TCF7L2: variants seen among roughly 807,000 people sequenced by gnomAD.
The protein encoded by TCF7L2 is transcription factor 7 like 2.
In TCF7L2, 23 loss-of-function variants were observed where a neutral mutation model predicts 77.9. The ratio of observed to expected loss-of-function variants is 0.30; its 90% CI spans 0.21 to 0.42. The LOEUF (loss-of-function observed/expected upper bound fraction) is 0.42. Ranked by LOEUF, TCF7L2 falls within the 10% of genes least tolerant of loss-of-function variation. The pLI is 1.00. For synonymous variants in TCF7L2, 413 were observed against 340.2 expected, an observed-to-expected ratio of 1.21 and a Z score of -2.36; for missense variants, 654 against 793.1, an observed-to-expected ratio of 0.82 and a Z score of 2.11.
intron 3 of TCF7L2, among the ~76,000 whole-genome samples, chr10:112,962,366 C>T (rs1248413470): frequency 9.7e-6 from 1 of 103,144 alleles, no homozygotes; most frequent in Non-Finnish European, 1.8e-5. Flanking sequence ...GTTAGTGTTG[C>T]CTACTCTGCT....
chr10:113,033,487 A>G (rs2050610964), intron 4 of TCF7L2, among the ~76,000 whole-genome samples: 2 of 152,050 alleles, frequency 1.3e-5, no homozygotes, highest in African/African-American at 2.4e-5. Flanking sequence ...GACTCAAGCA[A>G]TCTTCCTGCC....
chr10:113,121,900 G>A lies in TCF7L2; in HGVS notation c.553-19284G>A, dbSNP rs565165184. Among the ~76,000 whole-genome samples, 8 of 152,284 alleles carry A rather than the reference G, an allele frequency of 5.3e-5. No individual in the cohort carries two copies. The South Asian group carries it at 1.7e-3, about 32-fold the overall frequency. On this transcript the variant is annotated intron_variant, in intron 5 of 13. Transcript: ENST00000627217. ...CTGACATTTGCAATGGGGAAAACAC[G>A]TTGCCATATTGATTGAAGAAAATAC...
chr10:113,139,751 C>T (rs1316880986), intron 5 of TCF7L2, among the ~76,000 whole-genome samples: 1 of 151,238 alleles, frequency 6.6e-6, no homozygotes, highest in African/African-American at 2.4e-5. Context: ...AAGACACTTT[C>T]CCCTCAATTA....
rs567290178 is a variant in TCF7L2 at position 113,098,646 on chromosome 10, C to T, written c.553-42538C>T. On this transcript the variant is annotated intron_variant, in intron 5 of 13. Transcript: ENST00000627217. ...GCTTGAACCTGGGAGGCAGTGGTTG[C>T]AGTGAGCTGAGATCGCGCCACTGCA... Among the ~76,000 whole-genome samples the T allele has an allele frequency of 1.1e-3, 162 of 152,206 alleles. 2 individuals carry two copies. The highest frequency in any genetic ancestry group is 1.2e-4 in the Non-Finnish European group (8 of 68,018).
At chr10:113,039,441 C>T (rs1472645872) in intron 4 of TCF7L2, among the ~76,000 whole-genome samples, 1 of 152,038 alleles carries the variant, frequency 6.6e-6, no homozygotes. Context: ...CATTTTTTAC[C>T]AAGAAGTAAG....
chr10:112,986,709 C>T (rs770225191), intron 4 of TCF7L2, among the ~76,000 whole-genome samples: 2 of 152,094 alleles, frequency 1.3e-5, no homozygotes, highest in Non-Finnish European at 2.9e-5. Flanking sequence ...TTCTGTGTAC[C>T]TCCCTTTCTT....
intron 4 of TCF7L2, among the ~76,000 whole-genome samples, chr10:112,994,835 C>T (rs1457291395): frequency 6.6e-6 from 1 of 152,050 alleles, no homozygotes; most frequent in Admixed American, 6.6e-5. Context: ...CACAGTGGCT[C>T]ATGCCTGTAA....
At chr10:113,082,399 T>G (rs1266745403) in intron 5 of TCF7L2, among the ~76,000 whole-genome samples, 1 of 152,140 alleles carries the variant, frequency 6.6e-6, no homozygotes, top group Non-Finnish European at 1.5e-5. Flanking sequence ...TAAAAAAATC[T>G]TATTTCCAAT....
chr10:113,023,747 C>A (rs2048621083), intron 4 of TCF7L2, among the ~76,000 whole-genome samples: 1 of 152,048 alleles, frequency 6.6e-6, no homozygotes, highest in Non-Finnish European at 1.5e-5. Flanking sequence ...CGGCTCACTG[C>A]AAGCTCCACC....
chr10:113,082,473 T>C (rs568395528), intron 5 of TCF7L2, among the ~76,000 whole-genome samples: 6 of 152,336 alleles, frequency 3.9e-5, no homozygotes, highest in African/African-American at 1.4e-4. Context: ...GACAAAACTT[T>C]GTTTTAACCA....
chr10:113,088,667 G>A lies in TCF7L2; in HGVS notation c.552+48541G>A, dbSNP rs1044058823. Reference sequence around the variant, plus strand: ...GAAAAGGTGTTAAGGTATGAGTGAAGACAGATCAGCCAGACATGGTGCCGC... The same window carrying A: ...GAAAAGGTGTTAAGGTATGAGTGAAAACAGATCAGCCAGACATGGTGCCGC... On this transcript the variant is annotated intron_variant, in intron 5 of 13. Transcript: ENST00000627217. Among the ~76,000 whole-genome samples the A allele has an allele frequency of 6.6e-5, 10 of 152,266 alleles. No homozygotes were observed. The South Asian group carries it at 1.5e-3, about 22-fold the overall frequency.
At chr10:112,980,867 C>T (rs1470509853) in intron 4 of TCF7L2, among the ~76,000 whole-genome samples, 2 of 152,092 alleles carry the variant, frequency 1.3e-5, no homozygotes, top group Non-Finnish European at 2.9e-5. Context: ...ACCTCGTGAT[C>T]CGCCCGCCTC....
intron 5 of TCF7L2, among the ~76,000 whole-genome samples, chr10:113,079,819 G>A (rs1025615518): frequency 1.4e-4 from 21 of 152,118 alleles, no homozygotes; most frequent in East Asian, 1.4e-3. Flanking sequence ...CACCATGCCC[G>A]GCTAATTTTT....
At chr10:113,090,675 A>G (rs908628676) in intron 5 of TCF7L2, among the ~76,000 whole-genome samples, 3 of 152,194 alleles carry the variant, frequency 2.0e-5, no homozygotes, top group Non-Finnish European at 4.4e-5. Context: ...CAGTGGCGCA[A>G]TCTCAGCTCA....
At position 113,166,707 on chromosome 10, in the gene TCF7L2, G is replaced by C. The variant is rs1386158714; in HGVS notation, c.*735G>C. On this transcript the variant is annotated 3_prime_UTR_variant, in exon 14 of 14. Coordinates refer to ENST00000627217, the MANE Select transcript of TCF7L2 (RefSeq NM_001146274.2). The stretch of plus-strand genomic sequence containing the variant: ...ATATGTTTTCCTTTTTCTTGAAACT[G>C]TATAAAGTTTTTTTCCCCCTTAGCA... 1 of 229,284 alleles carries C rather than the reference G, an allele frequency of 4.4e-6. No homozygotes were observed. The highest frequency in any genetic ancestry group is 5.7e-5 in the Admixed American group (1 of 17,630). 14.2% of individuals were successfully genotyped at this position (229,284 alleles called of 1,614,324 possible).
chr10:113,110,740 A>C (rs2063023085), intron 5 of TCF7L2, among the ~76,000 whole-genome samples: 1 of 152,202 alleles, frequency 6.6e-6, no homozygotes, highest in South Asian at 2.1e-4. Context: ...TAAGTATGGA[A>C]GTACAAGAAA....
chr10:113,003,542 A>G (rs2044894127), intron 4 of TCF7L2, among the ~76,000 whole-genome samples: 2 of 152,156 alleles, frequency 1.3e-5, no homozygotes. Context: ...AGCCCGCATC[A>G]TGTTATCTTT....
chr10:112,951,459 C>T, intron 2 of TCF7L2, 24 bp from the exon 3 acceptor site: 3 of 1,402,546 alleles, frequency 2.1e-6, no homozygotes, highest in Non-Finnish European at 9.5e-7. Flanking sequence ...CCGCCGCTGT[C>T]CCCTCGCCGC....
intron 4 of TCF7L2, among the ~76,000 whole-genome samples, chr10:112,971,618 C>CTTTTT (rs1254113400): frequency 7.5e-6 from 1 of 133,168 alleles, no homozygotes. Flanking sequence ...ACAGGAGTTA[C>CTTTTT]TTTTTTTTTT....
Sources: allele counts gnomAD v4.1 joint callset (sites outside exome capture counted in the v4.1 genomes callset), GRCh38; gene constraint gnomAD v4.1.1; transcripts MANE v1.5; gene names NCBI Gene and HGNC (gene_info 2026-07-23, HGNC 2026-07-21).